CDH12: variants seen among roughly 807,000 people sequenced by gnomAD.
The protein encoded by CDH12 is cadherin 12.
Under a neutral mutation model 74.1 loss-of-function variants are expected in CDH12, and 41 were observed. The observed-to-expected ratio is 0.55, with a 90% CI of 0.43 to 0.72. The LOEUF (loss-of-function observed/expected upper bound fraction) is 0.72. Ranked by LOEUF, CDH12 falls within the 30% of genes least tolerant of loss-of-function variation. The pLI, the probability that CDH12 is intolerant of heterozygous loss-of-function variation, is 0.00. For missense variants in CDH12, 945 were observed against 977.2 expected, an observed-to-expected ratio of 0.97 and a Z score of 0.44; for synonymous variants, 399 against 355.0, an observed-to-expected ratio of 1.12 and a Z score of -1.39.
At chr5:22,059,310 C>CT (rs1741000493) in intron 5 of CDH12, among the ~76,000 whole-genome samples, 2 of 151,062 alleles carry the variant, frequency 1.3e-5, no homozygotes, top group African/African-American at 4.9e-5. Context: ...ATCTATCTAT[C>CT]ATCTATCCAT....
chr5:22,778,688 G>A (rs368837419), intron 1 of CDH12, among the ~76,000 whole-genome samples: 1 of 151,880 alleles, frequency 6.6e-6, no homozygotes, highest in Non-Finnish European at 1.5e-5. Context: ...CAGTATGTAG[G>A]ATCAATTTCA....
chr5:21,976,422 T>G (rs2150123708), intron 5 of CDH12, among the ~76,000 whole-genome samples: 1 of 151,674 alleles, frequency 6.6e-6, no homozygotes, highest in African/African-American at 2.4e-5. Context: ...TAAACGTATA[T>G]AAATTACGTG....
intron 10 of CDH12, among the ~76,000 whole-genome samples, chr5:21,796,529 C>G (rs1283821367): frequency 6.6e-6 from 1 of 151,954 alleles, no homozygotes; most frequent in African/African-American, 2.4e-5. Flanking sequence ...GCACTATTAA[C>G]CACTGTAATT....
At chr5:22,169,148 T>C (rs1748869138) in intron 4 of CDH12, among the ~76,000 whole-genome samples, 1 of 151,932 alleles carries the variant, frequency 6.6e-6, no homozygotes, top group African/African-American at 2.4e-5. Context: ...GTCCTATTTT[T>C]GCCTCTCAAT....
chr5:22,547,308 A>G (rs547625629), intron 1 of CDH12, among the ~76,000 whole-genome samples: 1 of 152,308 alleles, frequency 6.6e-6, no homozygotes, highest in African/African-American at 2.4e-5. Flanking sequence ...CAGAGTTGAG[A>G]ATATTGAGAG....
Position 22,688,594 on chromosome 5 carries a change from T to A in CDH12, c.-523+164464A>T, listed in dbSNP as rs1268724287. On this transcript the variant is annotated intron_variant, in intron 1 of 14. Transcript: ENST00000382254. ...TAATACCATCTGGCAACCTGAGTGT[T>A]TTTCTCATCATTACAAGTCAGAGGA... Among the ~76,000 whole-genome samples the A allele has an allele frequency of 1.6e-4, 24 of 152,152 alleles. 1 individual carries two copies. The highest frequency in any genetic ancestry group is 1.6e-3 in the Admixed American group (24 of 15,282).
intron 3 of CDH12, among the ~76,000 whole-genome samples, chr5:22,367,059 A>T (rs1273762582): frequency 1.3e-5 from 2 of 152,210 alleles, no homozygotes; most frequent in African/African-American, 4.8e-5. Flanking sequence ...ATGTTAAATA[A>T]CTACTTCTAG....
At chr5:22,659,255 A>T (rs115349597) in intron 1 of CDH12, among the ~76,000 whole-genome samples, 1 of 152,248 alleles carries the variant, frequency 6.6e-6, no homozygotes, top group African/African-American at 2.4e-5. Flanking sequence ...GGGTTTGGGA[A>T]TGTGATTTTG....
At chr5:21,783,886 C>A (rs1054184555) in intron 10 of CDH12, among the ~76,000 whole-genome samples, 1 of 151,922 alleles carries the variant, frequency 6.6e-6, no homozygotes, top group Admixed American at 6.6e-5. Context: ...CTACAAAGAA[C>A]CCAGGTCAAA....
intron 6 of CDH12, among the ~76,000 whole-genome samples, chr5:21,876,796 T>C (rs938067115): frequency 2.0e-5 from 3 of 152,252 alleles, no homozygotes; most frequent in African/African-American, 7.2e-5. Flanking sequence ...AGGCTTATCT[T>C]TGTCTCTTCC....
intron 1 of CDH12, among the ~76,000 whole-genome samples, chr5:22,573,193 A>T (rs539744302): frequency 6.6e-6 from 1 of 152,282 alleles, no homozygotes; most frequent in African/African-American, 2.4e-5. Flanking sequence ...TTGCTCCTCT[A>T]TACAAAAGTT....
At chr5:21,826,801 C>T (rs981533430) in intron 8 of CDH12, among the ~76,000 whole-genome samples, 4 of 152,220 alleles carry the variant, frequency 2.6e-5, no homozygotes, top group South Asian at 2.1e-4. Context: ...TTTCTAAGCA[C>T]GTTTCCATTA....
chr5:21,994,591 G>A (rs1485426450), intron 5 of CDH12, among the ~76,000 whole-genome samples: 1 of 152,142 alleles, frequency 6.6e-6, no homozygotes, highest in Non-Finnish European at 1.5e-5. Context: ...AACCTGGGAA[G>A]AGAAACCTTG....
At chr5:22,551,307 G>A (rs554351145) in intron 1 of CDH12, among the ~76,000 whole-genome samples, 2 of 152,122 alleles carry the variant, frequency 1.3e-5, no homozygotes, top group Non-Finnish European at 2.9e-5. Flanking sequence ...CTTGGTCTTA[G>A]ACTTTGAGTC....
At chr5:22,754,515 G>A (rs1005968329) in intron 1 of CDH12, among the ~76,000 whole-genome samples, 3 of 148,926 alleles carry the variant, frequency 2.0e-5, no homozygotes, top group Non-Finnish European at 4.4e-5. Flanking sequence ...TAAGACAAAG[G>A]AGGAGTAAAA....
intron 3 of CDH12, among the ~76,000 whole-genome samples, chr5:22,334,305 G>A (rs1439169533): frequency 6.6e-6 from 1 of 151,758 alleles, no homozygotes; most frequent in Non-Finnish European, 1.5e-5. Flanking sequence ...AATCAAAGAA[G>A]TGGAATATCT....
intron 1 of CDH12, among the ~76,000 whole-genome samples, chr5:22,583,907 T>C (rs1219119445): frequency 6.6e-6 from 1 of 152,110 alleles, no homozygotes; most frequent in African/African-American, 2.4e-5. Context: ...TTAGCTCCTA[T>C]AAAAGAAACA....
chr5:22,760,529 AT>A (rs1435672327), intron 1 of CDH12, among the ~76,000 whole-genome samples: 2 of 151,980 alleles, frequency 1.3e-5, no homozygotes, highest in Admixed American at 6.6e-5. Flanking sequence ...AAATACAAAA[AT>A]TAGCTGGGCA....
intron 1 of CDH12, among the ~76,000 whole-genome samples, chr5:22,617,827 T>G (rs1186874049): frequency 6.6e-6 from 1 of 152,140 alleles, no homozygotes; most frequent in African/African-American, 2.4e-5. Flanking sequence ...ATGAGTTTTC[T>G]AAAGACTTCT....
Sources: allele counts gnomAD v4.1 joint callset (sites outside exome capture counted in the v4.1 genomes callset), GRCh38; gene constraint gnomAD v4.1.1; transcripts MANE v1.5; gene names NCBI Gene and HGNC (gene_info 2026-07-23, HGNC 2026-07-21).